FYCO1: variants seen among roughly 807,000 people sequenced by gnomAD.
FYCO1 encodes the protein FYVE and coiled-coil domain-containing protein 1.
A neutral mutation model predicts 165.1 loss-of-function variants in FYCO1; 122 were observed. The observed-to-expected ratio is 0.74, with a 90% CI of 0.64 to 0.86. The LOEUF is 0.86. Among genes scored for constraint, FYCO1 ranks in the 40% least tolerant of loss-of-function variants. The pLI is 0.00. For missense variants in FYCO1, 1,702 were observed against 1,810.3 expected (o/e 0.94, Z 1.09); for synonymous variants, 648 against 742.5 (o/e 0.87, Z 2.07).
chr3:45,968,456 CAAGT>C lies in FYCO1; in HGVS notation c.874_877del (p.Thr292AlafsTer3). ...CTGCTTCTGGAGCTCAGCTACCAAG[CAAGT>C]GAGGCGAACGTTGTCCTCCGCTGCA... On this transcript the variant is annotated frameshift_variant, in exon 8 of 18. Coordinates refer to ENST00000296137, the MANE Select transcript of FYCO1 (RefSeq NM_024513.4). LOFTEE classifies it high-confidence loss of function. The C allele has an allele frequency of 6.2e-7, 1 of 1,614,052 alleles. No individual in the cohort carries two copies. The highest frequency in any genetic ancestry group is 8.5e-7 in the Non-Finnish European group (1 of 1,180,046).
At chr3:45,984,794 GC>G in intron 2 of FYCO1, 61 bp downstream of exon 2, 12 of 1,551,912 alleles carry the variant, frequency 7.7e-6, no homozygotes, top group Non-Finnish European at 1.1e-5. Context: ...ACTGGCAACA[GC>G]AAAAAGCCCT....
At chr3:45,965,828 A>G (rs1359681045) in intron 8 of FYCO1, among the ~76,000 whole-genome samples, 2 of 152,200 alleles carry the variant, frequency 1.3e-5, no homozygotes, top group African/African-American at 4.8e-5. Flanking sequence ...AAGTACAGAA[A>G]CCAGTGTAAG....
At chr3:45,973,939 T>A (rs1706583742) in intron 5 of FYCO1, among the ~76,000 whole-genome samples, 1 of 152,130 alleles carries the variant, frequency 6.6e-6, no homozygotes. Context: ...CATGTACCTG[T>A]AGTCCCAGCT....
Position 45,968,125 on chromosome 3 carries a change from T to C in FYCO1, c.1209A>G (p.Leu403=). The change falls in exon 8 of 18, where the codon CTA becomes CTG. Residue 403 remains leucine, a synonymous_variant. Coordinates refer to ENST00000296137, the MANE Select transcript of FYCO1 (RefSeq NM_024513.4). ...PSDAAQEMQE[L]GEKLQALERE... Reference sequence around the variant, plus strand: ...TTTCTAGGGCTTGAAGCTTCTCCCCTAGCTCCTGCATCTCCTGGGCCGCAT... The same window carrying C: ...TTTCTAGGGCTTGAAGCTTCTCCCCCAGCTCCTGCATCTCCTGGGCCGCAT... 1 of 1,614,126 alleles carries C rather than the reference T, an allele frequency of 6.2e-7. No individual in the cohort carries two copies. The highest frequency in any genetic ancestry group is 1.6e-4 in the Middle Eastern group (1 of 6,062).
At position 45,967,799 on chromosome 3, in the gene FYCO1, G is replaced by C. The variant is rs200425105; in HGVS notation, c.1535C>G (p.Thr512Ser). Residue 512 changes from threonine to serine, a missense_variant, in exon 8 of 18, where the codon ACC becomes AGC. Thr to Ser is a moderately conservative substitution (Grantham distance 58). Transcript: ENST00000296137. ...ELLEQEVRSL[T>S]RQLQFLETQL... ...GGTCTCCAGGAACTGCAGCTGCCGG[G>C]TCAGAGACCTGACCTCCTGCTCCAG... 1.9e-5 allele frequency: 31 copies of C among 1,613,830 alleles called. No homozygotes were observed. The highest frequency in any genetic ancestry group is 1.7e-4 in the African/African-American group (13 of 74,920).
chr3:45,951,651 G>T (rs1310503466), intron 14 of FYCO1, among the ~76,000 whole-genome samples: 1 of 151,196 alleles, frequency 6.6e-6, no homozygotes, highest in Non-Finnish European at 1.5e-5. Context: ...GGGTGGGCCT[G>T]AATGACTGAA....
At chr3:45,926,456 A>G (rs1703322107) in intron 16 of FYCO1, among the ~76,000 whole-genome samples, 1 of 152,270 alleles carries the variant, frequency 6.6e-6, no homozygotes, top group Non-Finnish European at 1.5e-5. Flanking sequence ...TAAAAGGACA[A>G]TAATCCTAAA....
chr3:45,967,146 G>A lies in FYCO1; in HGVS notation c.2188C>T (p.Leu730Phe), dbSNP rs1706094748. The change falls in exon 8 of 18, where the codon CTT (leucine) becomes TTT (phenylalanine). Residue 730 changes from leucine to phenylalanine, a missense_variant. Coordinates refer to ENST00000296137, the MANE Select transcript of FYCO1 (RefSeq NM_024513.4). ...TGGCACTGGCTCTCGAGAGCCCTAA[G>A]CTCTCTGTGCCGGGCTTCTGCCAGT... ...QQLAEARHRE[L>F]RALESQCQQQ... 2 of 1,613,610 alleles carry A rather than the reference G, an allele frequency of 1.2e-6. No homozygotes were observed. The highest frequency in any genetic ancestry group is 1.7e-6 in the Non-Finnish European group (2 of 1,179,696).
chr3:45,955,875 C>G (rs1705282015), intron 13 of FYCO1, among the ~76,000 whole-genome samples: 1 of 152,194 alleles, frequency 6.6e-6, no homozygotes, highest in Non-Finnish European at 1.5e-5. Context: ...CCTCCCAGTG[C>G]TCAAGGGCTT....
At chr3:45,934,353 G>A (rs949623165) in intron 15 of FYCO1, among the ~76,000 whole-genome samples, 13 of 152,112 alleles carry the variant, frequency 8.5e-5, no homozygotes, top group Admixed American at 6.5e-4. Context: ...ATAATTAAAC[G>A]TCTAAGAACA....
Position 45,974,855 on chromosome 3 carries a change from C to T in FYCO1, c.395+384G>A, listed in dbSNP as rs73830671. 2.2e-3 allele frequency among the ~76,000 whole-genome samples: 332 copies of T among 152,278 alleles called. 4 individuals carry two copies. Among genetic ancestry groups the T allele is most frequent in the African/African-American group, 7.0e-3 (289 of 41,542 alleles). On this transcript the variant is annotated intron_variant, in intron 5 of 17. Coordinates refer to ENST00000296137, the MANE Select transcript of FYCO1 (RefSeq NM_024513.4). ...TCAGTATGCCAGGTGAGGACGCAGG[C>T]TCAGTAGTATTAAAAGCCCCACAGG...
At chr3:45,927,534 G>C (rs1703380922) in intron 16 of FYCO1, among the ~76,000 whole-genome samples, 1 of 152,206 alleles carries the variant, frequency 6.6e-6, no homozygotes, top group Admixed American at 6.5e-5. Context: ...AGTGGTGAGG[G>C]AGTAGGACGG....
intron 4 of FYCO1, among the ~76,000 whole-genome samples, chr3:45,978,364 C>T (rs1220090476): frequency 1.3e-5 from 2 of 152,174 alleles, no homozygotes; most frequent in African/African-American, 2.4e-5. Flanking sequence ...TCCCACCAGA[C>T]CTCACAAGAC....
chr3:45,940,108 T>C (rs1169489273), intron 14 of FYCO1, among the ~76,000 whole-genome samples: 1 of 152,272 alleles, frequency 6.6e-6, no homozygotes, highest in African/African-American at 2.4e-5. Context: ...TTGTATTAAC[T>C]TGATTTTACT....
At chr3:45,957,379 A>C (rs1471365349) in intron 13 of FYCO1, among the ~76,000 whole-genome samples, 1 of 152,268 alleles carries the variant, frequency 6.6e-6, no homozygotes, top group African/African-American at 2.4e-5. Context: ...ACATTTATGC[A>C]TAACAGAAAA....
intron 15 of FYCO1, among the ~76,000 whole-genome samples, chr3:45,935,936 CGAT>C (rs1233806631): frequency 6.6e-6 from 1 of 151,814 alleles, no homozygotes; most frequent in African/African-American, 2.4e-5. Context: ...CTGGAGAACT[CGAT>C]GATATGGGAA....
At chr3:45,980,420 T>C (rs552531432) in intron 3 of FYCO1, among the ~76,000 whole-genome samples, 43 of 152,264 alleles carry the variant, frequency 2.8e-4, no homozygotes, top group African/African-American at 7.5e-4. Flanking sequence ...ATGCTTCGAC[T>C]TAGGGAAATA....
chr3:45,964,717 C>T lies in FYCO1; in HGVS notation c.3151-263G>A. 4.7e-6 allele frequency: 1 copy of T among 210,770 alleles called. No homozygotes were observed. The highest frequency in any genetic ancestry group is 8.2e-6 in the Non-Finnish European group (1 of 121,586). The allele number at this position is 210,770 out of a possible 1,614,324, so 13.1% of individuals were successfully genotyped here. Reference sequence around the variant, plus strand: ...AGGGGTGGCAGGGAGCAGGATTCACCTGAACAAGTCACTGCTCTGAAGACT... The same window carrying T: ...AGGGGTGGCAGGGAGCAGGATTCACTTGAACAAGTCACTGCTCTGAAGACT... On this transcript the variant is annotated intron_variant, in intron 9 of 17. Transcript: ENST00000296137. The surrounding 1 kb of genome is among the most constrained non-coding windows in gnomAD (Gnocchi z 4.1).
chr3:45,980,221 C>T (rs1041217336), intron 3 of FYCO1, among the ~76,000 whole-genome samples: 8 of 152,020 alleles, frequency 5.3e-5, no homozygotes, highest in African/African-American at 1.2e-4. Context: ...TGGTGGCGGG[C>T]GCCTGTGATC....
Sources: allele counts gnomAD v4.1 joint callset (sites outside exome capture counted in the v4.1 genomes callset), GRCh38; gene constraint gnomAD v4.1.1; non-coding constraint Gnocchi (gnomAD v3.1); transcripts MANE v1.5; gene names NCBI Gene and HGNC (gene_info 2026-07-23, HGNC 2026-07-21).